The following MEGF11 variants were observed in gnomAD, a reference collection of about 807,000 sequenced individuals.
The protein encoded by MEGF11 is multiple epidermal growth factor-like domains protein 11.
MEGF11 carries 126 observed loss-of-function variants against 146.6 expected under a neutral mutation model. The observed-to-expected ratio is 0.86, with a 90% confidence interval of 0.74 to 1.00. The LOEUF (loss-of-function observed/expected upper bound fraction) is 1.00, where lower values mean the gene tolerates loss of function less well. MEGF11 is among the 50% of genes least tolerant of loss of function. The pLI is 0.00. For synonymous variants in MEGF11, 532 were observed against 583.4 expected, an observed-to-expected ratio of 0.91 and a Z score of 1.27; for missense variants, 1,509 against 1,521.2, an observed-to-expected ratio of 0.99 and a Z score of 0.13.
chr15:66,021,129 TG>T (rs1317411087), intron 5 of MEGF11, among the ~76,000 whole-genome samples: 2 of 151,320 alleles, frequency 1.3e-5, no homozygotes, highest in African/African-American at 4.9e-5. Flanking sequence ...CAACCTCTCT[TG>T]GGGAGGTGAT....
chr15:66,204,467 G>A (rs2091249404), intron 1 of MEGF11, among the ~76,000 whole-genome samples: 1 of 152,050 alleles, frequency 6.6e-6, no homozygotes, highest in South Asian at 2.1e-4. Flanking sequence ...ACGTTTCCAG[G>A]CCTTGTGATA....
intron 4 of MEGF11, among the ~76,000 whole-genome samples, chr15:66,113,880 CAA>C (rs112279785): frequency 1.4e-5 from 2 of 138,028 alleles, no homozygotes; most frequent in Non-Finnish European, 3.2e-5. Context: ...AACTCTGTCT[CAA>C]AAAAAAAAAA....
chr15:65,965,601 T>TTTCTTTCTTTCTTTC (rs869249487), intron 8 of MEGF11, among the ~76,000 whole-genome samples: 11 of 46,472 alleles, frequency 2.4e-4, no homozygotes, highest in Admixed American at 1.1e-3. Context: ...TCTTTCTTTC[T>TTTCTTTCTTTCTTTC]TTTTTTTTTT....
chr15:66,140,959 T>C (rs1239915138), intron 1 of MEGF11, among the ~76,000 whole-genome samples: 17 of 152,044 alleles, frequency 1.1e-4, no homozygotes, highest in Admixed American at 7.9e-4. Context: ...CGGTTGAACA[T>C]TGAGTGTGCT....
intron 4 of MEGF11, among the ~76,000 whole-genome samples, chr15:66,096,337 A>G (rs899082): frequency 0.96 from 146,846 of 152,334 alleles, 71,014 homozygotes; most frequent in East Asian, 1. Flanking sequence ...GAGTGTCAGG[A>G]CTCGAAGAGA....
At chr15:66,124,171 T>A (rs758332339) in intron 2 of MEGF11, among the ~76,000 whole-genome samples, 171 bp from the exon 3 acceptor site, 7 of 151,976 alleles carry the variant, frequency 4.6e-5, no homozygotes, top group Non-Finnish European at 7.4e-5. Flanking sequence ...TGCCCTCATA[T>A]TCCAGCCTCC....
rs534816235 is a variant in MEGF11, at chr15:66,214,873, G to A, written c.-9+38732C>T. 9.2e-5 allele frequency among the ~76,000 whole-genome samples: 14 copies of A among 152,216 alleles called. 1 individual carries two copies. The highest frequency in any genetic ancestry group is 3.4e-4 in the African/African-American group (14 of 41,534). On this transcript the variant is annotated intron_variant, in intron 1 of 25. Transcript: ENST00000395614. ...GGAGAGAAATGAGTGTGTGTGGAAA[G>A]AAGATGGGGGTAAGAGGAGAGGAGG...
At chr15:65,951,796 C>G (rs1200314919) in intron 10 of MEGF11, among the ~76,000 whole-genome samples, 2 of 151,964 alleles carry the variant, frequency 1.3e-5, no homozygotes, top group Non-Finnish European at 2.9e-5. Context: ...GCCAGGAGTT[C>G]CAGACCAGCC....
chr15:66,123,600 C>G (rs945897354), intron 3 of MEGF11, among the ~76,000 whole-genome samples: 1 of 152,126 alleles, frequency 6.6e-6, no homozygotes, highest in Non-Finnish European at 1.5e-5. Flanking sequence ...TAGAACATGG[C>G]TAAGAGATGT....
chr15:66,216,514 G>A (rs2091588412), intron 1 of MEGF11, among the ~76,000 whole-genome samples: 1 of 152,174 alleles, frequency 6.6e-6, no homozygotes, highest in Admixed American at 6.5e-5. Context: ...GTTTGTGGAA[G>A]ACAAGATGCT....
At chr15:65,974,853 C>CT (rs11453003) in intron 7 of MEGF11, among the ~76,000 whole-genome samples, 121,237 of 149,912 alleles carry the variant, frequency 0.81, 50,037 homozygotes, top group Non-Finnish European at 0.9. Context: ...GAAAAACTTT[C>CT]TTTTTTTTTG....
At chr15:65,937,949 G>T (rs2079847046) in intron 10 of MEGF11, among the ~76,000 whole-genome samples, 1 of 152,246 alleles carries the variant, frequency 6.6e-6, no homozygotes, top group South Asian at 2.1e-4. Context: ...CACTGGCTAT[G>T]TGATCTCTAA....
chr15:66,049,210 A>T (rs1447995357), intron 5 of MEGF11, among the ~76,000 whole-genome samples: 2 of 152,160 alleles, frequency 1.3e-5, no homozygotes, highest in Non-Finnish European at 2.9e-5. Context: ...GCGAGGATCC[A>T]CTTATTCTCA....
intron 5 of MEGF11, among the ~76,000 whole-genome samples, chr15:66,057,495 AG>A (rs2140387400): frequency 6.6e-6 from 1 of 152,278 alleles, no homozygotes; most frequent in East Asian, 1.9e-4. Flanking sequence ...AACTCAAATT[AG>A]GTCTCCCAGT....
rs774297875 is a variant in MEGF11 at position 65,936,035 on chromosome 15, TAACA to T, written c.1288-5096_1288-5093del. Among the ~76,000 whole-genome samples the T allele has an allele frequency of 5.3e-5, 8 of 152,284 alleles. No individual in the cohort carries two copies. The South Asian group carries it at 8.3e-4, about 16-fold the overall frequency. On this transcript the variant is annotated intron_variant, in intron 10 of 25. Coordinates refer to ENST00000395614, the MANE Select transcript of MEGF11 (RefSeq NM_001385028.1). ...ATACCTTTTTGATTTGGGGGACCAC[TAACA>T]AACAAGCCTTAATCATGATGGTCTG...
intron 1 of MEGF11, among the ~76,000 whole-genome samples, chr15:66,181,555 A>C (rs1012012356): frequency 3.3e-5 from 4 of 121,176 alleles, no homozygotes; most frequent in Admixed American, 1.8e-4. Context: ...AATTTCCTGA[A>C]TACCAGGGAT....
intron 5 of MEGF11, among the ~76,000 whole-genome samples, chr15:65,995,932 T>C (rs2082182698): frequency 6.6e-6 from 1 of 152,154 alleles, no homozygotes; most frequent in South Asian, 2.1e-4. Context: ...TACTGTACCC[T>C]TCCATCATCT....
chr15:66,181,811 T>C (rs903521112), intron 1 of MEGF11, among the ~76,000 whole-genome samples: 5 of 152,168 alleles, frequency 3.3e-5, no homozygotes, highest in African/African-American at 1.2e-4. Flanking sequence ...CCCTGGTAAT[T>C]GAGAGCAAAG....
intron 5 of MEGF11, among the ~76,000 whole-genome samples, chr15:66,033,343 G>T (rs1404017319): frequency 1.3e-5 from 2 of 152,180 alleles, no homozygotes; most frequent in African/African-American, 4.8e-5. Context: ...TTTGGGGGAA[G>T]GGCCCCAGGG....
Sources: allele counts gnomAD v4.1 joint callset (sites outside exome capture counted in the v4.1 genomes callset), GRCh38; gene constraint gnomAD v4.1.1; transcripts MANE v1.5; gene names NCBI Gene and HGNC (gene_info 2026-07-23, HGNC 2026-07-21).